Variants in PERCC1 observed in about 807,000 individuals in gnomAD.
The protein encoded by PERCC1 is proline and glutamate rich with coiled coil 1.
chr16:1,432,204 T>C (rs2038453786), intron 1 of PERCC1, among the ~76,000 whole-genome samples: 1 of 152,002 alleles, frequency 6.6e-6, no homozygotes, highest in Non-Finnish European at 1.5e-5. Flanking sequence ...ACAATTCTAG[T>C]GTCCCCACAA....
Position 1,432,935 on chromosome 16 carries a change from C to T in PERCC1, c.342C>T (p.Asp114=), listed in dbSNP as rs538411897. 2.5e-4 allele frequency: 101 copies of T among 398,932 alleles called. No homozygotes were observed. The highest frequency in any genetic ancestry group is 1.6e-3 in the African/African-American group (77 of 48,754). The allele number at this position is 398,932 out of a possible 1,614,324, so 24.7% of individuals were successfully genotyped here. A position where few individuals can be genotyped will look rare whatever the true frequency, so the allele number is the denominator to read the frequency against. ...AGGGGCAGGACCCAGATGCCTGCGACGTCTACGCCGACAGCCGCCCACCCC... is the reference window on the plus strand; with the variant it reads ...AGGGGCAGGACCCAGATGCCTGCGATGTCTACGCCGACAGCCGCCCACCCC... ...KDKGQDPDAC[D]VYADSRPPRS... Residue 114 remains aspartate, a synonymous_variant, in exon 2 of 2, where the codon GAC becomes GAT. Transcript: ENST00000640283.
Position 1,433,977 on chromosome 16 carries a change from A to C in PERCC1, c.*580A>C, listed in dbSNP as rs1477196596. ...TCCCCAGATGCCGGAAGGCTCTTCC[A>C]CTGCAGGGCTGCTGGGCTGGAGGGG... is the stretch of plus-strand genomic sequence containing the variant. On this transcript the variant is annotated 3_prime_UTR_variant, in exon 2 of 2. Transcript: ENST00000640283. Among the ~76,000 whole-genome samples the C allele has an allele frequency of 6.6e-6, 1 of 152,106 alleles. No homozygotes were observed. Among genetic ancestry groups the C allele is most frequent in the Non-Finnish European group, 1.5e-5 (1 of 68,006 alleles).
chr16:1,432,835 A>G lies in PERCC1; in HGVS notation c.242A>G (p.Glu81Gly), dbSNP rs1386560408. The G allele has an allele frequency of 2.5e-6, 1 of 398,438 alleles. No homozygotes were observed. Among genetic ancestry groups the G allele is most frequent in the Non-Finnish European group, 4.4e-6 (1 of 225,960 alleles). The allele number at this position is 398,438 out of a possible 1,614,324, so 24.7% of individuals were successfully genotyped here. A position where few individuals can be genotyped will look rare whatever the true frequency, so the allele number is the denominator to read the frequency against. ...GCCCCCGAGGGTCCCGGCAGCCCCG[A>G]GACCCCGCTGCAGCTGCTACGCTTT... ...EAAPEGPGSPETPLQLLRFSE... is the reference protein window; with the variant it reads ...EAAPEGPGSPGTPLQLLRFSE... The change falls in exon 2 of 2, where the codon GAG (glutamate) becomes GGG (glycine). Residue 81 changes from glutamate (E) to glycine (G), a missense_variant. Transcript: ENST00000640283.
At chr16:1,432,005 T>C (rs144883027) in intron 1 of PERCC1, among the ~76,000 whole-genome samples, 1 of 152,250 alleles carries the variant, frequency 6.6e-6, no homozygotes, top group Non-Finnish European at 1.5e-5. Context: ...ACGCCTCCAC[T>C]TTGATCAAGA....
chr16:1,434,272 G>A lies in PERCC1; in HGVS notation c.*875G>A. The A allele has an allele frequency of 9.8e-7, 1 of 1,022,292 alleles. No homozygotes were observed. 63.3% of individuals were successfully genotyped at this position (1,022,292 alleles called of 1,614,324 possible). A position where few individuals can be genotyped will look rare whatever the true frequency, so the allele number is the denominator to read the frequency against. On this transcript the variant is annotated 3_prime_UTR_variant, in exon 2 of 2. Transcript: ENST00000640283. ...ACAGGAAGAGTCATGGGGGTCAAGA[G>A]ACTGGGTCCCTCCAAGCTTGGGCAC...
In PERCC1 at chr16:1,434,336, C is replaced by G. The variant is rs1342279601; in HGVS notation, c.*939C>G. ...GACCTCGCCACCCCGCTCAGCCCCACAGGCCCTGGGTAGGCTGTCTCCCAG... is the reference window on the plus strand; with the variant it reads ...GACCTCGCCACCCCGCTCAGCCCCAGAGGCCCTGGGTAGGCTGTCTCCCAG... On this transcript the variant is annotated 3_prime_UTR_variant, in exon 2 of 2. Coordinates refer to ENST00000640283, the MANE Select transcript of PERCC1 (RefSeq NM_001365310.2). 1 of 1,508,712 alleles carries G rather than the reference C, an allele frequency of 6.6e-7. No homozygotes were observed. The highest frequency in any genetic ancestry group is 1.4e-5 in the African/African-American group (1 of 72,304). 93.5% of individuals were successfully genotyped at this position (1,508,712 alleles called of 1,614,324 possible).
rs2038464665 is a variant in PERCC1 at position 1,433,034 on chromosome 16, C to T, written c.441C>T (p.Asp147=). 2.5e-6 allele frequency: 1 copy of T among 398,570 alleles called. No individual in the cohort carries two copies. Among genetic ancestry groups the T allele is most frequent in the Non-Finnish European group, 4.4e-6 (1 of 226,056 alleles). 24.7% of individuals were successfully genotyped at this position (398,570 alleles called of 1,614,324 possible). Residue 147 remains aspartate, a synonymous_variant, in exon 2 of 2, where the codon GAC becomes GAT. Coordinates refer to ENST00000640283, the MANE Select transcript of PERCC1 (RefSeq NM_001365310.2). The stretch of plus-strand genomic sequence containing the variant: ...GTGGCGGGTCCCTGGAGGACGAGGA[C>T]ACCCCGGAGCCCAGGGTACCCCAAG... The part of the protein sequence containing the change: ...LARGGSLEDE[D]TPEPRVPQGQ...
Position 1,432,701 on chromosome 16 carries a change from AGAGGAGGAGGAG to A in PERCC1, c.131_142del (p.Glu44_Glu47del), listed in dbSNP as rs72210635. On this transcript the variant is annotated inframe_deletion, in exon 2 of 2. Coordinates refer to ENST00000640283, the MANE Select transcript of PERCC1 (RefSeq NM_001365310.2). ...AGCCCCCAGAGACTTCGGAGGAGGA[AGAGGAGGAGGAG>A]GAGGAGGAGGAGGAGGAGGAGGGCG... is the stretch of plus-strand genomic sequence containing the variant. The A allele has an allele frequency of 0.041, 16,189 of 394,980 alleles. 257 individuals are homozygous for A. Among genetic ancestry groups the A allele is most frequent in the East Asian group, 0.077 (2,123 of 27,614 alleles). 24.5% of individuals were successfully genotyped at this position (394,980 alleles called of 1,614,324 possible). A position where few individuals can be genotyped will look rare whatever the true frequency, so the allele number is the denominator to read the frequency against.
intron 1 of PERCC1, among the ~76,000 whole-genome samples, chr16:1,432,135 G>A (rs1376306699): frequency 4.6e-5 from 7 of 151,820 alleles, no homozygotes; most frequent in African/African-American, 7.3e-5. Flanking sequence ...CTGGCTTCTC[G>A]AGGTCCCTTC....
chr16:1,433,053 C>G lies in PERCC1; in HGVS notation c.460C>G (p.Pro154Ala). Reference protein sequence around the residue: ...EDEDTPEPRVPQGQVCRPGLS... With the variant: ...EDEDTPEPRVAQGQVCRPGLS... ...CGAGGACACCCCGGAGCCCAGGGTACCCCAAGGGCAGGTGTGCAGGCCGGG... is the reference window on the plus strand; with the variant it reads ...CGAGGACACCCCGGAGCCCAGGGTAGCCCAAGGGCAGGTGTGCAGGCCGGG... Residue 154 changes from proline to alanine, a missense_variant, in exon 2 of 2, where the codon CCC (proline) becomes GCC (alanine). By Grantham distance (27) the Pro-to-Ala change is conservative. Coordinates refer to ENST00000640283, the MANE Select transcript of PERCC1 (RefSeq NM_001365310.2). The G allele has an allele frequency of 2.5e-6, 1 of 398,652 alleles. No homozygotes were observed. Among genetic ancestry groups the G allele is most frequent in the African/African-American group, 2.1e-5 (1 of 48,742 alleles). 24.7% of individuals were successfully genotyped at this position (398,652 alleles called of 1,614,324 possible).
Position 1,433,264 on chromosome 16 carries a change from GC to G in PERCC1, c.676del (p.Leu226TrpfsTer310). On this transcript the variant is annotated frameshift_variant, in exon 2 of 2. Transcript: ENST00000640283. LOFTEE classifies it low-confidence loss of function (END_TRUNC). ...TCCTTCTGGAAGGAGCCGACCCCTAGCCCCCTGGGCCTGCTGCACCCTGGCA... is the reference window on the plus strand; with the variant it reads ...TCCTTCTGGAAGGAGCCGACCCCTAGCCCCTGGGCCTGCTGCACCCTGGCA... ...PPSFWKEPTPSPLGLLHPGTP... is the reference protein window; with the variant it reads ...PPSFWKEPTPXPLGLLHPGTP... 2 of 398,812 alleles carry G rather than the reference GC, an allele frequency of 5.0e-6. No individual in the cohort carries two copies. Among genetic ancestry groups the G allele is most frequent in the Admixed American group, 4.4e-5 (1 of 22,734 alleles). The allele number at this position is 398,812 out of a possible 1,614,324, so 24.7% of individuals were successfully genotyped here. A position where few individuals can be genotyped will look rare whatever the true frequency, so the allele number is the denominator to read the frequency against.
chr16:1,432,183 C>G (rs1010042369), intron 1 of PERCC1, among the ~76,000 whole-genome samples: 1 of 152,148 alleles, frequency 6.6e-6, no homozygotes, highest in Non-Finnish European at 1.5e-5. Context: ...GTCCTCCCCT[C>G]CCAAGTGACC....
Position 1,434,032 on chromosome 16 carries a change from C to G in PERCC1, c.*635C>G, listed in dbSNP as rs1035565539. On this transcript the variant is annotated 3_prime_UTR_variant, in exon 2 of 2. Transcript: ENST00000640283. The stretch of plus-strand genomic sequence containing the variant: ...GAGGCAGAGCCAGGGAGCCCGAGTC[C>G]AGGGGGCTTCCCCGGGTCCTCCTCA... Among the ~76,000 whole-genome samples the G allele has an allele frequency of 2.8e-5, 4 of 143,592 alleles. No individual in the cohort carries two copies. Among genetic ancestry groups the G allele is most frequent in the Non-Finnish European group, 4.5e-5 (3 of 66,112 alleles). 94.2% of individuals were successfully genotyped at this position (143,592 alleles called of 152,430 possible). A position where few individuals can be genotyped will look rare whatever the true frequency, so the allele number is the denominator to read the frequency against.
Position 1,432,995 on chromosome 16 carries a change from G to A in PERCC1, c.402G>A (p.Leu134=). 1 of 398,838 alleles carries A rather than the reference G, an allele frequency of 2.5e-6. No individual in the cohort carries two copies. The highest frequency in any genetic ancestry group is 4.4e-6 in the Non-Finnish European group (1 of 226,126). The allele number at this position is 398,838 out of a possible 1,614,324, so 24.7% of individuals were successfully genotyped here. A position where few individuals can be genotyped will look rare whatever the true frequency, so the allele number is the denominator to read the frequency against. The change falls in exon 2 of 2, where the codon CTG becomes CTA. Residue 134 remains leucine (L), a synonymous_variant. Transcript: ENST00000640283. The part of the protein sequence containing the change: ...STARELYYAD[L]VRLARGGSLE... ...CCCGGGAGCTCTACTATGCGGACCT[G>A]GTGCGCCTGGCCCGTGGCGGGTCCC...
At position 1,433,028 on chromosome 16, in the gene PERCC1, C is replaced by T. The variant is rs73490088; in HGVS notation, c.435C>T (p.Asp145=). 3.1e-3 allele frequency: 1,223 copies of T among 398,670 alleles called. 12 individuals are homozygous for T. Among genetic ancestry groups the T allele is most frequent in the African/African-American group, 0.022 (1,082 of 48,710 alleles). 24.7% of individuals were successfully genotyped at this position (398,670 alleles called of 1,614,324 possible). ...TGGCCCGTGGCGGGTCCCTGGAGGA[C>T]GAGGACACCCCGGAGCCCAGGGTAC... is the stretch of plus-strand genomic sequence containing the variant. ...VRLARGGSLE[D]EDTPEPRVPQ... Residue 145 remains aspartate, a synonymous_variant, in exon 2 of 2, where the codon GAC becomes GAT. Coordinates refer to ENST00000640283, the MANE Select transcript of PERCC1 (RefSeq NM_001365310.2).
Position 1,432,543 on chromosome 16 carries a change from C to T in PERCC1, c.-47-4C>T, listed in dbSNP as rs553447510. On this transcript the variant is annotated splice_polypyrimidine_tract_variant and splice_region_variant and intron_variant, in intron 1 of 1. Transcript: ENST00000640283. ...GGAACCTGCCCCTCTGTCTCCCTCC[C>T]CAGCCAGCGCCTGCTGCCCCGGAGG... 7.5e-6 allele frequency: 3 copies of T among 398,616 alleles called. No individual in the cohort carries two copies. Among genetic ancestry groups the T allele is most frequent in the African/African-American group, 6.2e-5 (3 of 48,630 alleles). 24.7% of individuals were successfully genotyped at this position (398,616 alleles called of 1,614,324 possible).
At chr16:1,432,190 G>T (rs2142347193) in intron 1 of PERCC1, among the ~76,000 whole-genome samples, 1 of 152,034 alleles carries the variant, frequency 6.6e-6, no homozygotes, top group South Asian at 2.1e-4. Flanking sequence ...CCTCCCAAGT[G>T]ACCACAATTC....
intron 1 of PERCC1, among the ~76,000 whole-genome samples, chr16:1,431,897 A>G (rs940166701): frequency 1.3e-5 from 2 of 151,988 alleles, no homozygotes; most frequent in African/African-American, 4.8e-5. Context: ...GAGACTTCCT[A>G]GTTAGGACCA....
In PERCC1 at chr16:1,434,391, G is replaced by A; in HGVS notation, c.*994G>A. On this transcript the variant is annotated 3_prime_UTR_variant, in exon 2 of 2. Coordinates refer to ENST00000640283, the MANE Select transcript of PERCC1 (RefSeq NM_001365310.2). ...CATCAGGGAACCTCAGCTCTAATGA[G>A]TACAAAGCCAGCACGTTTATTTCTG... 1.3e-6 allele frequency: 2 copies of A among 1,549,556 alleles called. No individual in the cohort carries two copies. Among genetic ancestry groups the A allele is most frequent in the Admixed American group, 2.0e-5 (1 of 50,978 alleles).
Sources: allele counts gnomAD v4.1 joint callset (sites outside exome capture counted in the v4.1 genomes callset), GRCh38; gene constraint gnomAD v4.1.1; transcripts MANE v1.5; gene names NCBI Gene and HGNC (gene_info 2026-07-23, HGNC 2026-07-21).